ARHGAP32: variants seen among roughly 807,000 people sequenced by gnomAD.
The protein encoded by ARHGAP32 is rho GTPase-activating protein 32.
ARHGAP32 carries 51 observed loss-of-function variants against 186.5 expected under a neutral mutation model. That is an observed-to-expected ratio of 0.27 (90% CI 0.22 to 0.35). The LOEUF (loss-of-function observed/expected upper bound fraction) is 0.35, where lower values mean the gene tolerates loss of function less well. Ranked by LOEUF, ARHGAP32 falls within the 10% of genes least tolerant of loss-of-function variation. The probability of loss-of-function intolerance (pLI) is 1.00; values close to 1 mark genes in which losing one functional copy is unlikely to be tolerated. For missense variants in ARHGAP32, 2,186 were observed against 2,623.5 expected (o/e 0.83, Z 3.64); for synonymous variants, 950 against 964.3 (o/e 0.99, Z 0.27).
chr11:129,068,054 T>C (rs185110919), intron 6 of ARHGAP32, among the ~76,000 whole-genome samples: 1 of 152,070 alleles, frequency 6.6e-6, no homozygotes, highest in Non-Finnish European at 1.5e-5. Flanking sequence ...TGAAGAACAG[T>C]GTCCTGGTCC....
In ARHGAP32 at chr11:128,965,583, T is replaced by TTA. The variant is rs1945205186; in HGVS notation, c.*3322_*3323dup. On this transcript the variant is annotated 3_prime_UTR_variant, in exon 23 of 23. Transcript: ENST00000682385. ...GCACACTGACATTATCTTGCACACGTTATAATACACCATTCCTGACATTTC... is the reference window on the plus strand; with the variant it reads ...GCACACTGACATTATCTTGCACACGTTATATAATACACCATTCCTGACATTTC... The TTA allele has an allele frequency of 6.6e-6, 1 of 152,148 alleles. No homozygotes were observed. The highest frequency in any genetic ancestry group is 2.4e-5 in the African/African-American group (1 of 41,408). 9.4% of individuals were successfully genotyped at this position (152,148 alleles called of 1,614,324 possible). A position where few individuals can be genotyped will look rare whatever the true frequency, so the allele number is the denominator to read the frequency against.
At chr11:129,269,786 G>A (rs1486297208) in intron 1 of ARHGAP32, among the ~76,000 whole-genome samples, 2 of 152,134 alleles carry the variant, frequency 1.3e-5, no homozygotes, top group African/African-American at 2.4e-5. Context: ...GACAGAACGT[G>A]CTTTTATTCA....
intron 11 of ARHGAP32, among the ~76,000 whole-genome samples, chr11:129,023,192 G>T (rs1434745574): frequency 1.3e-5 from 2 of 152,094 alleles, no homozygotes; most frequent in African/African-American, 4.8e-5. Flanking sequence ...TATTACCGAG[G>T]TCTAAAGAAA....
intron 5 of ARHGAP32, among the ~76,000 whole-genome samples, chr11:129,097,934 T>G (rs139390649): frequency 1.1e-3 from 168 of 152,230 alleles, no homozygotes; most frequent in African/African-American, 3.7e-3. Flanking sequence ...TAGGAGTGAC[T>G]CAACACCTGC....
intron 2 of ARHGAP32, among the ~76,000 whole-genome samples, chr11:129,149,016 T>C (rs1943232004): frequency 6.6e-6 from 1 of 152,160 alleles, no homozygotes. Context: ...CTATTTTCCA[T>C]GGTTGCCAAA....
intron 22 of ARHGAP32, 174 bp from the exon 23 acceptor site, chr11:128,971,333 A>T (rs958935238): frequency 5.2e-6 from 3 of 578,358 alleles, no homozygotes; most frequent in Non-Finnish European, 9.1e-6. Context: ...TTGTGCTGCT[A>T]TTTTGTACAA....
intron 1 of ARHGAP32, among the ~76,000 whole-genome samples, chr11:129,246,281 A>G (rs893009855): frequency 3.3e-5 from 5 of 152,204 alleles, no homozygotes; most frequent in African/African-American, 9.6e-5. Flanking sequence ...ACGTACCCAA[A>G]TGTGGCAGAA....
At chr11:129,259,318 G>A (rs563400524) in intron 1 of ARHGAP32, among the ~76,000 whole-genome samples, 1 of 152,154 alleles carries the variant, frequency 6.6e-6, no homozygotes, top group East Asian at 1.9e-4. Context: ...TTGAACACTG[G>A]CTAGGGCAAA....
intron 1 of ARHGAP32, among the ~76,000 whole-genome samples, chr11:129,211,998 T>C (rs777093309): frequency 1.3e-5 from 2 of 151,804 alleles, no homozygotes; most frequent in Non-Finnish European, 2.9e-5. Context: ...CCACAAAAAA[T>C]ATAAAATTAG....
intron 2 of ARHGAP32, among the ~76,000 whole-genome samples, chr11:129,143,452 ACCGCCCCACTCCGTC>A (rs1435143929): frequency 6.6e-6 from 1 of 152,074 alleles, no homozygotes; most frequent in Non-Finnish European, 1.5e-5. Context: ...ACAGTCCCGC[ACCGCCCCACTCCGTC>A]CCGCCTGGAA....
At chr11:129,214,714 C>T (rs974735864) in intron 1 of ARHGAP32, among the ~76,000 whole-genome samples, 14 of 152,212 alleles carry the variant, frequency 9.2e-5, no homozygotes, top group Non-Finnish European at 2.1e-4. Flanking sequence ...AATGTGAACA[C>T]AGCATGAATT....
At chr11:129,203,514 A>C (rs1224451327) in intron 1 of ARHGAP32, among the ~76,000 whole-genome samples, 1 of 152,078 alleles carries the variant, frequency 6.6e-6, no homozygotes, top group African/African-American at 2.4e-5. Flanking sequence ...GCTACAGTTA[A>C]TTAAGGTAAA....
At chr11:129,269,050 C>T (rs537720180) in intron 1 of ARHGAP32, among the ~76,000 whole-genome samples, 1 of 152,254 alleles carries the variant, frequency 6.6e-6, no homozygotes, top group South Asian at 2.1e-4. Context: ...GCAGTTGAAT[C>T]ACTTGAGTCC....
At position 129,165,756 on chromosome 11, in the gene ARHGAP32, T is replaced by TA. The variant is rs970395814; in HGVS notation, c.117-1330dup. On this transcript the variant is annotated intron_variant, in intron 1 of 22. Transcript: ENST00000682385. ...AGCATCACCCCTAGCCTAGTAATAA[T>TA]AAAAAAAAAAATAGATAATCTGAAA... 6.6e-4 allele frequency among the ~76,000 whole-genome samples: 93 copies of TA among 140,252 alleles called. 1 individual carries two copies. The highest frequency in any genetic ancestry group is 1.8e-3 in the South Asian group (8 of 4,406). The allele number at this position is 140,252 out of a possible 152,430, so 92.0% of individuals were successfully genotyped here. A position where few individuals can be genotyped will look rare whatever the true frequency, so the allele number is the denominator to read the frequency against.
chr11:129,049,138 T>C (rs771675997), intron 10 of ARHGAP32, among the ~76,000 whole-genome samples: 3 of 151,976 alleles, frequency 2.0e-5, no homozygotes, highest in Non-Finnish European at 4.4e-5. Context: ...GGAAAAGCAT[T>C]CGCCTGTATA....
At chr11:128,988,404 T>C (rs2136128512) in intron 12 of ARHGAP32, among the ~76,000 whole-genome samples, 1 of 152,360 alleles carries the variant, frequency 6.6e-6, no homozygotes, top group East Asian at 1.9e-4. Flanking sequence ...GTCTTTCTTC[T>C]GCAGTAGACT....
At chr11:129,230,631 G>A (rs55832809) in intron 1 of ARHGAP32, among the ~76,000 whole-genome samples, 1 of 152,034 alleles carries the variant, frequency 6.6e-6, no homozygotes, top group African/African-American at 2.4e-5. Context: ...AATTAAACTA[G>A]AATATATTTT....
intron 2 of ARHGAP32, among the ~76,000 whole-genome samples, chr11:129,132,710 A>G (rs1002270659): frequency 6.6e-6 from 1 of 152,178 alleles, no homozygotes; most frequent in Non-Finnish European, 1.5e-5. Flanking sequence ...TATATCAAAA[A>G]CCAGACAAAT....
rs1188265870 is a variant in ARHGAP32 at position 129,078,751 on chromosome 11, C to T, written c.532-11883G>A. ...CAGGTGATCTGCCCACCTCAGCCTC[C>T]CAAACTGCTGGGTTTAAAGGCGTGA... On this transcript the variant is annotated intron_variant, in intron 6 of 22. Transcript: ENST00000682385. Among the ~76,000 whole-genome samples, 3 of 152,254 alleles carry T rather than the reference C, an allele frequency of 2.0e-5. No homozygotes were observed. In the East Asian group the frequency reaches 5.8e-4, roughly 29 times the overall value.
Sources: allele counts gnomAD v4.1 joint callset (sites outside exome capture counted in the v4.1 genomes callset), GRCh38; gene constraint gnomAD v4.1.1; transcripts MANE v1.5; gene names NCBI Gene and HGNC (gene_info 2026-07-23, HGNC 2026-07-21).